The following CFAP65 variants were observed in gnomAD, a reference collection of about 807,000 sequenced individuals.
CFAP65 encodes the protein cilia- and flagella-associated protein 65.
A neutral mutation model predicts 208.0 loss-of-function variants in CFAP65; 155 were observed. That is an observed-to-expected ratio of 0.75 (90% CI 0.65 to 0.85). The LOEUF is 0.85. CFAP65 is among the 40% of genes least tolerant of loss of function. The pLI is 0.00. For missense variants in CFAP65, 2,294 were observed against 2,451.3 expected, an observed-to-expected ratio of 0.94 and a Z score of 1.36; for synonymous variants, 970 against 986.3, an observed-to-expected ratio of 0.98 and a Z score of 0.31.
intron 18 of CFAP65, 58 bp from the exon 19 acceptor site, chr2:219,021,338 G>T: frequency 6.7e-7 from 1 of 1,490,486 alleles, no homozygotes; most frequent in Non-Finnish European, 8.9e-7. Flanking sequence ...CATTCCTCCT[G>T]CTCCTTTGTA....
At chr2:219,011,826 G>C (rs2106110276) in intron 24 of CFAP65, among the ~76,000 whole-genome samples, 1 of 152,248 alleles carries the variant, frequency 6.6e-6, no homozygotes, top group South Asian at 2.1e-4. Flanking sequence ...CTCTAGCCTG[G>C]ACCACCCTTT....
At chr2:219,019,292 G>T in intron 20 of CFAP65, 113 bp from the exon 21 acceptor site, 1 of 1,376,892 alleles carries the variant, frequency 7.3e-7, no homozygotes, top group Non-Finnish European at 9.9e-7. Context: ...TGGAGAATCT[G>T]GGACTCAGGC....
rs749716038 is a variant in CFAP65 at position 219,019,516 on chromosome 2, TG to T, written c.3462del (p.Thr1155ProfsTer5). ...PTPCELTYKVPTRHSMSQIPP... is the reference protein window; with the variant it reads ...PTPCELTYKVXTRHSMSQIPP... ...CCAGGCTCAGCTCACCTGTGCCGGG[TG>T]GGCACCTTGTAGGTGAGCTCACAGG... On this transcript the variant is annotated frameshift_variant, in exon 20 of 35. Coordinates refer to ENST00000341552, the MANE Select transcript of CFAP65 (RefSeq NM_194302.4). LOFTEE classifies it high-confidence loss of function. The T allele has an allele frequency of 3.7e-6, 6 of 1,611,812 alleles. No homozygotes were observed. Among genetic ancestry groups the T allele is most frequent in the Non-Finnish European group, 5.1e-6 (6 of 1,179,692 alleles).
chr2:219,029,886 G>T, intron 10 of CFAP65, 100 bp downstream of exon 10: 2 of 1,260,048 alleles, frequency 1.6e-6, no homozygotes, highest in Non-Finnish European at 2.2e-6. Flanking sequence ...CCAGGCTGAG[G>T]CAAGGTGGCC....
chr2:219,041,347 A>C, intron 1 of CFAP65, 141 bp downstream of exon 1: 2 of 787,684 alleles, frequency 2.5e-6, no homozygotes, highest in Non-Finnish European at 4.3e-6. Context: ...ACTCAGTCCC[A>C]TGGGGCTCTC....
rs772260220 is a variant in CFAP65 at position 219,010,452 on chromosome 2, G to C, written c.4308+94C>G. On this transcript the variant is annotated intron_variant, in intron 26 of 34. Transcript: ENST00000341552. Reference sequence around the variant, plus strand: ...CTGTCCCTCCTCAACTACATCTCATGTCCCTCCCAGCCTCCCCATCCTTCT... The same window carrying C: ...CTGTCCCTCCTCAACTACATCTCATCTCCCTCCCAGCCTCCCCATCCTTCT... The C allele has an allele frequency of 4.5e-6, 6 of 1,342,548 alleles. No individual in the cohort carries two copies. In the Admixed American group the frequency reaches 1.0e-4, roughly 23 times the overall value. The allele number at this position is 1,342,548 out of a possible 1,614,324, so 83.2% of individuals were successfully genotyped here.
chr2:219,027,549 T>G, intron 13 of CFAP65, 101 bp downstream of exon 13: 1 of 1,612,898 alleles, frequency 6.2e-7, no homozygotes, highest in Non-Finnish European at 8.5e-7. Flanking sequence ...ACGCAGAGGA[T>G]GGAGCCTGAA....
At chr2:219,030,627 G>C (rs1226814530) in intron 9 of CFAP65, 62 bp downstream of exon 9, 24 of 1,582,902 alleles carry the variant, frequency 1.5e-5, no homozygotes, top group Non-Finnish European at 1.7e-5. Context: ...GCAAGGCGGT[G>C]ATTTTAGGAA....
At position 219,032,907 on chromosome 2, in the gene CFAP65, A is replaced by C. The variant is rs142452631; in HGVS notation, c.543-335T>G. On this transcript the variant is annotated intron_variant, in intron 5 of 34. Transcript: ENST00000341552. The surrounding 1 kb of genome is among the most constrained non-coding windows in gnomAD (Gnocchi z 5.5). The stretch of plus-strand genomic sequence containing the variant: ...CCGCAAGCACTGAGGTGGGGGAACC[A>C]AGGCTGAGGAGGGTGGGACCGGGGA... Among the ~76,000 whole-genome samples, 565 of 152,300 alleles carry C rather than the reference A, an allele frequency of 3.7e-3. 7 individuals carry two copies. Among genetic ancestry groups the C allele is most frequent in the African/African-American group, 0.013 (532 of 41,570 alleles).
chr2:219,022,926 G>A (rs1188875018), intron 16 of CFAP65, among the ~76,000 whole-genome samples: 1 of 152,204 alleles, frequency 6.6e-6, no homozygotes, highest in Non-Finnish European at 1.5e-5. Flanking sequence ...ATGGGGAGGT[G>A]ACATGCCTCT....
intron 2 of CFAP65, among the ~76,000 whole-genome samples, chr2:219,040,202 T>G (rs1006057722): frequency 6.6e-6 from 1 of 152,182 alleles, no homozygotes; most frequent in African/African-American, 2.4e-5. Flanking sequence ...TGCCCATTTA[T>G]TTGGCCTAAA....
At chr2:219,035,080 C>A in intron 5 of CFAP65, 1 of 396,802 alleles carries the variant, frequency 2.5e-6, no homozygotes, top group Non-Finnish European at 4.5e-6. Flanking sequence ...CGCAAGGTCA[C>A]CAATTTAACA....
In CFAP65 at chr2:219,006,193, C is replaced by G. The variant is rs138339888; in HGVS notation, c.4750G>C (p.Val1584Leu). 1 of 1,610,210 alleles carries G rather than the reference C, an allele frequency of 6.2e-7. No homozygotes were observed. Among genetic ancestry groups the G allele is most frequent in the Non-Finnish European group, 8.5e-7 (1 of 1,177,202 alleles). Residue 1584 changes from valine (V) to leucine (L), a missense_variant, in exon 31 of 35, where the codon GTC becomes CTC. Transcript: ENST00000341552. ...TLPPIKNQQSVSRPASWKLQT... is the reference protein window; with the variant it reads ...TLPPIKNQQSLSRPASWKLQT... ...AGTTTCCAGCTGGCAGGCCGGCTGA[C>G]AGACTGCTGGTTCTTGATGGGAGGC...
intron 32 of CFAP65, among the ~76,000 whole-genome samples, 178 bp downstream of exon 32, chr2:219,005,256 G>A (rs1945881434): frequency 6.6e-6 from 1 of 152,018 alleles, no homozygotes; most frequent in African/African-American, 2.4e-5. Flanking sequence ...AAACTCCTGG[G>A]CTCAAGCCAC....
intron 12 of CFAP65, 55 bp downstream of exon 12, chr2:219,028,146 G>A: frequency 6.3e-7 from 1 of 1,591,592 alleles, no homozygotes; most frequent in Non-Finnish European, 8.6e-7. Context: ...CTGGGGGCAT[G>A]GGATTGCCCA....
At chr2:219,026,745 C>T in intron 13 of CFAP65, 1 of 982,118 alleles carries the variant, frequency 1.0e-6, no homozygotes, top group Non-Finnish European at 1.2e-6. Context: ...CCACGTGTGG[C>T]TGTCAGTGGC....
chr2:219,036,399 C>T (rs1948364194), intron 4 of CFAP65, among the ~76,000 whole-genome samples: 1 of 151,298 alleles, frequency 6.6e-6, no homozygotes, highest in African/African-American at 2.4e-5. Flanking sequence ...ATGCCTCCTC[C>T]AACCACAGTC....
intron 21 of CFAP65, chr2:219,015,306 G>A (rs73993397): frequency 0.15 from 22,362 of 149,584 alleles, 3,778 homozygotes; most frequent in African/African-American, 0.42. Context: ...AGGAGAACGC[G>A]TGCAACACAC....
Position 219,024,922 on chromosome 2 carries a change from C to T in CFAP65, c.2350-662G>A, listed in dbSNP as rs573214005. Among the ~76,000 whole-genome samples, 5 of 152,228 alleles carry T rather than the reference C, an allele frequency of 3.3e-5. No individual in the cohort carries two copies. The South Asian group carries it at 6.2e-4, about 19-fold the overall frequency. ...CTGCACTCCAGCCTGGGTGACAGAGCGAAATTCTATATCAGAAAATACAAA... is the reference window on the plus strand; with the variant it reads ...CTGCACTCCAGCCTGGGTGACAGAGTGAAATTCTATATCAGAAAATACAAA... On this transcript the variant is annotated intron_variant, in intron 14 of 34. Transcript: ENST00000341552.
Sources: allele counts gnomAD v4.1 joint callset (sites outside exome capture counted in the v4.1 genomes callset), GRCh38; gene constraint gnomAD v4.1.1; non-coding constraint Gnocchi (gnomAD v3.1); transcripts MANE v1.5; gene names NCBI Gene and HGNC (gene_info 2026-07-23, HGNC 2026-07-21).